LRIG1: variants seen among roughly 807,000 people sequenced by gnomAD.
The protein encoded by LRIG1 is leucine rich repeats and immunoglobulin like domains 1, also known as leucine-rich repeats and immunoglobulin-like domains protein 1.
LRIG1 carries 48 observed loss-of-function variants against 99.2 expected under a neutral mutation model. The ratio of observed to expected loss-of-function variants is 0.48; its 90% CI spans 0.38 to 0.62. The LOEUF is 0.62. Among genes scored for constraint, LRIG1 ranks in the 20% least tolerant of loss-of-function variants. LRIG1 has a pLI of 0.00. For synonymous variants in LRIG1, 772 were observed against 596.1 expected, an observed-to-expected ratio of 1.29 and a Z score of -4.30; for missense variants, 1,646 against 1,434.4, an observed-to-expected ratio of 1.15 and a Z score of -2.38.
chr3:66,474,062 G>A (rs774425629), intron 1 of LRIG1, among the ~76,000 whole-genome samples: 13 of 152,290 alleles, frequency 8.5e-5, no homozygotes, highest in Non-Finnish European at 1.8e-4. Flanking sequence ...GAGAAGACAC[G>A]AAGTCAAGAT....
At chr3:66,481,891 A>G (rs1700860414) in intron 1 of LRIG1, among the ~76,000 whole-genome samples, 1 of 152,226 alleles carries the variant, frequency 6.6e-6, no homozygotes, top group Non-Finnish European at 1.5e-5. Flanking sequence ...CATTCTAAAC[A>G]TGGGCTCGCT....
chr3:66,402,984 C>T (rs1002826357), intron 9 of LRIG1, among the ~76,000 whole-genome samples: 2 of 152,190 alleles, frequency 1.3e-5, no homozygotes, highest in Non-Finnish European at 2.9e-5. Flanking sequence ...CCAAACACAG[C>T]AGTTTTTACA....
intron 13 of LRIG1, 122 bp from the exon 14 acceptor site, chr3:66,384,394 T>C: frequency 9.1e-7 from 1 of 1,096,194 alleles, no homozygotes; most frequent in Non-Finnish European, 1.4e-6. Flanking sequence ...TCTCCCAATG[T>C]CTGCCCAGGA....
chr3:66,380,140 T>TA lies in LRIG1; in HGVS notation c.*122dup. 4.1e-6 allele frequency: 3 copies of TA among 740,602 alleles called. No homozygotes were observed. The highest frequency in any genetic ancestry group is 4.0e-5 in the South Asian group (2 of 50,198). The allele number at this position is 740,602 out of a possible 1,614,324, so 45.9% of individuals were successfully genotyped here. A position where few individuals can be genotyped will look rare whatever the true frequency, so the allele number is the denominator to read the frequency against. On this transcript the variant is annotated 3_prime_UTR_variant, in exon 19 of 19. Transcript: ENST00000273261. ...AGATCCAAGTCCTGTGAGCGACTGA[T>TA]ACTCCACATGGGAGTTACAACTATG...
chr3:66,430,352 T>C (rs1409043137), intron 3 of LRIG1, among the ~76,000 whole-genome samples: 1 of 152,228 alleles, frequency 6.6e-6, no homozygotes, highest in East Asian at 1.9e-4. Flanking sequence ...GATTTTCAAA[T>C]AGCACGGGGT....
intron 14 of LRIG1, among the ~76,000 whole-genome samples, chr3:66,383,614 G>A (rs1701216999): frequency 6.6e-6 from 1 of 152,146 alleles, no homozygotes; most frequent in South Asian, 2.1e-4. Context: ...AACCTCTGCT[G>A]ACAAAAGCCC....
At chr3:66,413,056 A>G in intron 5 of LRIG1, 42 bp from the exon 6 acceptor site, 2 of 1,609,876 alleles carry the variant, frequency 1.2e-6, no homozygotes, top group South Asian at 1.1e-5. Flanking sequence ...TCTTATGTGC[A>G]TATCCCACCC....
chr3:66,384,826 G>C lies in LRIG1; in HGVS notation c.1790-554C>G, dbSNP rs573786960. Among the ~76,000 whole-genome samples, 17 of 152,314 alleles carry C rather than the reference G, an allele frequency of 1.1e-4. No individual in the cohort carries two copies. The South Asian group carries it at 1.2e-3, about 11-fold the overall frequency. ...AGCTTGCTAGCTTGCTCAGCCTAAA[G>C]ATCGATGTCCTGACAGAGTGGGACG... On this transcript the variant is annotated intron_variant, in intron 13 of 18. Transcript: ENST00000273261.
At chr3:66,406,992 C>T (rs912329987) in intron 8 of LRIG1, among the ~76,000 whole-genome samples, 1 of 152,166 alleles carries the variant, frequency 6.6e-6, no homozygotes, top group East Asian at 1.9e-4. Context: ...GACTGACCCA[C>T]GGCTGCCGAA....
At position 66,398,956 on chromosome 3, in the gene LRIG1, G is replaced by C. The variant is rs749733873; in HGVS notation, c.1232+14C>G. ...GCAGGCTGTGCCTCAGGGCAGGGCTGGTGAGATACTCACAGGTGCTCCAGG... is the reference window on the plus strand; with the variant it reads ...GCAGGCTGTGCCTCAGGGCAGGGCTCGTGAGATACTCACAGGTGCTCCAGG... On this transcript the variant is annotated intron_variant, in intron 10 of 18. Transcript: ENST00000273261. 1 of 1,612,532 alleles carries C rather than the reference G, an allele frequency of 6.2e-7. No homozygotes were observed. Among genetic ancestry groups the C allele is most frequent in the Admixed American group, 1.7e-5 (1 of 60,032 alleles).
At chr3:66,487,361 C>A (rs1457793680) in intron 1 of LRIG1, among the ~76,000 whole-genome samples, 1 of 152,174 alleles carries the variant, frequency 6.6e-6, no homozygotes, top group African/African-American at 2.4e-5. Flanking sequence ...TCTAAAAACA[C>A]TCCTATGAAG....
intron 11 of LRIG1, among the ~76,000 whole-genome samples, chr3:66,397,466 A>AC (rs60203878): frequency 6.7e-6 from 1 of 150,086 alleles, no homozygotes; most frequent in Non-Finnish European, 1.5e-5. Flanking sequence ...AAAAAAAAAA[A>AC]CCAGAAAGGA....
chr3:66,436,597 C>T (rs779825273), intron 3 of LRIG1, among the ~76,000 whole-genome samples: 7 of 152,180 alleles, frequency 4.6e-5, no homozygotes, highest in Admixed American at 3.3e-4. Context: ...AGACATACAA[C>T]GCAGAGCCCG....
In LRIG1 at chr3:66,405,215, G is replaced by T. The variant is rs373678619; in HGVS notation, c.1143C>A (p.Leu381=). ...IEDTSGAFSG[L]DSLSKLTLFG... is the part of the protein sequence containing the mutation. Reference sequence around the variant, plus strand: ...ATACTCACAGCTTGCTGAGGCTGTCGAGCCCTGAGAAGGCGCCGCTCGTGT... The same window carrying T: ...ATACTCACAGCTTGCTGAGGCTGTCTAGCCCTGAGAAGGCGCCGCTCGTGT... The change falls in exon 9 of 19, where the codon CTC becomes CTA. Residue 381 remains leucine (L), a synonymous_variant. Transcript: ENST00000273261. The T allele has an allele frequency of 2.5e-6, 4 of 1,614,134 alleles. No individual in the cohort carries two copies. The highest frequency in any genetic ancestry group is 2.2e-5 in the South Asian group (2 of 91,084).
intron 2 of LRIG1, among the ~76,000 whole-genome samples, chr3:66,455,073 T>C (rs1451143625): frequency 6.6e-6 from 1 of 152,106 alleles, no homozygotes; most frequent in East Asian, 1.9e-4. Context: ...GCCTCCCGAG[T>C]AGCTGGGATT....
intron 1 of LRIG1, among the ~76,000 whole-genome samples, chr3:66,488,753 C>T (rs1037890089): frequency 2.6e-5 from 4 of 152,186 alleles, no homozygotes; most frequent in Non-Finnish European, 4.4e-5. Context: ...CCAGAAAGAA[C>T]AGGCAGTGCA....
chr3:66,417,560 C>T lies in LRIG1; in HGVS notation c.366-294G>A, dbSNP rs1702651752. The stretch of plus-strand genomic sequence containing the variant: ...ACCATGTGAGACCAGCATGACCTGA[C>T]CAGAATCCACGGATGCACTCACCAT... On this transcript the variant is annotated intron_variant, in intron 3 of 18. Transcript: ENST00000273261. The T allele has an allele frequency of 4.0e-5, 15 of 371,720 alleles. 1 individual carries two copies. Among genetic ancestry groups the T allele is most frequent in the South Asian group, 4.0e-4 (15 of 37,238 alleles). The allele number at this position is 371,720 out of a possible 1,614,324, so 23.0% of individuals were successfully genotyped here.
At chr3:66,397,448 T>TAAAA (rs386396916) in intron 11 of LRIG1, among the ~76,000 whole-genome samples, 3 of 131,428 alleles carry the variant, frequency 2.3e-5, no homozygotes, top group Non-Finnish European at 1.6e-5. Flanking sequence ...CATGTCTAGC[T>TAAAA]AAAAAAAAAA....
intron 1 of LRIG1, among the ~76,000 whole-genome samples, chr3:66,488,141 T>C (rs1305137545): frequency 2.0e-5 from 3 of 152,116 alleles, no homozygotes; most frequent in African/African-American, 7.2e-5. Context: ...CGAAGAAAAG[T>C]GGACATCCAG....
Sources: gnomAD v4.1 joint callset for allele counts (sites outside exome capture counted in the v4.1 genomes callset) on GRCh38, gnomAD v4.1.1 for gene constraint, MANE v1.5 for transcripts, NCBI Gene and HGNC (gene_info 2026-07-23, HGNC 2026-07-21) for gene names.